Variants in PTPRT observed in about 807,000 individuals in gnomAD.
PTPRT encodes protein tyrosine phosphatase receptor type T.
Under a neutral mutation model 176.8 loss-of-function variants are expected in PTPRT, and 56 were observed. The observed-to-expected ratio is 0.32, with a 90% CI of 0.26 to 0.40. The LOEUF (loss-of-function observed/expected upper bound fraction) is 0.40. PTPRT is among the 10% of genes least tolerant of loss of function. PTPRT has a pLI of 1.00. For synonymous variants in PTPRT, 783 were observed against 739.0 expected, an observed-to-expected ratio of 1.06 and a Z score of -0.96; for missense variants, 1,540 against 1,908.2, an observed-to-expected ratio of 0.81 and a Z score of 3.60.
At position 42,756,530 on chromosome 20, in the gene PTPRT, T is replaced by A; in HGVS notation, c.791A>T (p.Lys264Met). The change falls in exon 6 of 31, where the codon AAG becomes ATG. Residue 264 changes from lysine (K) to methionine (M), a missense_variant. Transcript: ENST00000373187. Reference protein sequence around the residue: ...VADTAQRSVSKYRCVIRSDGG... With the variant: ...VADTAQRSVSMYRCVIRSDGG... ...ATCAGAGCGGATCACACAGCGGTACTTGCTGACGCTCCGCTGGGCAGTGTC... is the reference window on the plus strand; with the variant it reads ...ATCAGAGCGGATCACACAGCGGTACATGCTGACGCTCCGCTGGGCAGTGTC... The A allele has an allele frequency of 1.2e-6, 2 of 1,605,586 alleles. No homozygotes were observed. Among genetic ancestry groups the A allele is most frequent in the East Asian group, 2.2e-5 (1 of 44,712 alleles).
At chr20:42,471,304 C>T (rs1279021856) in intron 8 of PTPRT, among the ~76,000 whole-genome samples, 1 of 152,096 alleles carries the variant, frequency 6.6e-6, no homozygotes, top group African/African-American at 2.4e-5. Context: ...GGGTATTTGT[C>T]CCCTCCCAAA....
At chr20:42,400,896 A>G (rs898529618) in intron 9 of PTPRT, among the ~76,000 whole-genome samples, 2 of 152,018 alleles carry the variant, frequency 1.3e-5, no homozygotes, top group Non-Finnish European at 2.9e-5. Context: ...CAGTAGGGAT[A>G]AGGGATCGGG....
At chr20:42,755,073 C>T (rs961761320) in intron 6 of PTPRT, among the ~76,000 whole-genome samples, 2 of 152,010 alleles carry the variant, frequency 1.3e-5, no homozygotes, top group East Asian at 1.9e-4. Context: ...GAAGAGGAGA[C>T]CAGGTAATGA....
chr20:42,873,925 A>G (rs1006406994), intron 2 of PTPRT, among the ~76,000 whole-genome samples: 4 of 152,250 alleles, frequency 2.6e-5, no homozygotes, highest in Non-Finnish European at 5.9e-5. Flanking sequence ...TTTTCTTACC[A>G]AATATCTTAG....
intron 9 of PTPRT, among the ~76,000 whole-genome samples, chr20:42,379,079 C>A (rs2058675896): frequency 6.6e-6 from 1 of 152,178 alleles, no homozygotes; most frequent in Non-Finnish European, 1.5e-5. Context: ...AACATGTAAG[C>A]CTTTGCTTCT....
At chr20:42,332,917 A>G (rs773602578) in intron 11 of PTPRT, among the ~76,000 whole-genome samples, 2 of 152,244 alleles carry the variant, frequency 1.3e-5, no homozygotes, top group Non-Finnish European at 2.9e-5. Context: ...CAAATGACCA[A>G]TGCATAACGT....
chr20:42,756,838 G>A (rs2076840650), intron 5 of PTPRT, among the ~76,000 whole-genome samples: 1 of 152,058 alleles, frequency 6.6e-6, no homozygotes, highest in African/African-American at 2.4e-5. Flanking sequence ...ATCATTTGAG[G>A]CCAGGAGTTT....
chr20:42,781,138 C>T (rs1207505774), intron 3 of PTPRT, among the ~76,000 whole-genome samples: 1 of 150,240 alleles, frequency 6.7e-6, no homozygotes. Context: ...ACGTGGTAGC[C>T]TGGACCTCTG....
chr20:42,240,046 C>A (rs2056323091), intron 14 of PTPRT, among the ~76,000 whole-genome samples: 2 of 152,196 alleles, frequency 1.3e-5, no homozygotes, highest in African/African-American at 4.8e-5. Context: ...AGTTTTTCTG[C>A]TGTCAACCTT....
intron 9 of PTPRT, among the ~76,000 whole-genome samples, chr20:42,432,349 G>A (rs1410680004): frequency 6.6e-6 from 1 of 152,196 alleles, no homozygotes; most frequent in African/African-American, 2.4e-5. Flanking sequence ...CTGATCCTCA[G>A]AGACCTGAGA....
chr20:42,196,805 C>A lies in PTPRT; in HGVS notation c.2491+2435G>T, dbSNP rs117365961. ...GGCAAACCGCAAATTTGCTCTGATCCCTAAGAAAAACAGATGTTAAATATT... is the reference window on the plus strand; with the variant it reads ...GGCAAACCGCAAATTTGCTCTGATCACTAAGAAAAACAGATGTTAAATATT... On this transcript the variant is annotated intron_variant, in intron 16 of 30. Coordinates refer to ENST00000373187, the MANE Select transcript of PTPRT (RefSeq NM_007050.6). Among the ~76,000 whole-genome samples, 33 of 152,198 alleles carry A rather than the reference C, an allele frequency of 2.2e-4. No individual in the cohort carries two copies. In the East Asian group the frequency reaches 5.4e-3, roughly 25 times the overall value.
chr20:42,195,834 A>G (rs1763286863), intron 16 of PTPRT, among the ~76,000 whole-genome samples: 1 of 152,200 alleles, frequency 6.6e-6, no homozygotes, highest in South Asian at 2.1e-4. Context: ...ACATACATAC[A>G]CACCTTAATC....
chr20:42,936,389 G>T (rs1980194276), intron 1 of PTPRT, among the ~76,000 whole-genome samples: 1 of 152,242 alleles, frequency 6.6e-6, no homozygotes, highest in Non-Finnish European at 1.5e-5. Flanking sequence ...GCCAGGGGCT[G>T]CAGTGGAGTG....
chr20:42,377,985 G>A (rs896161615), intron 9 of PTPRT, among the ~76,000 whole-genome samples: 1 of 152,166 alleles, frequency 6.6e-6, no homozygotes. Flanking sequence ...ATAGTACTAG[G>A]GGTCCTACCC....
intron 17 of PTPRT, among the ~76,000 whole-genome samples, chr20:42,149,008 C>T (rs1989004839): frequency 6.6e-6 from 1 of 152,166 alleles, no homozygotes; most frequent in African/African-American, 2.4e-5. Context: ...TGAGTCCTTC[C>T]TAACATCCTC....
At chr20:42,817,337 G>A (rs891985057) in intron 2 of PTPRT, among the ~76,000 whole-genome samples, 1 of 144,412 alleles carries the variant, frequency 6.9e-6, no homozygotes, top group Non-Finnish European at 1.5e-5. Context: ...ACCCTTCTGA[G>A]TTATTTGACA....
chr20:42,348,862 T>C (rs941381681), intron 11 of PTPRT, among the ~76,000 whole-genome samples: 8 of 152,200 alleles, frequency 5.3e-5, no homozygotes, highest in African/African-American at 1.4e-4. Flanking sequence ...TTCTCATTGC[T>C]ACTGGGAAAC....
chr20:42,796,295 T>C (rs1206832294), intron 2 of PTPRT, among the ~76,000 whole-genome samples: 1 of 152,242 alleles, frequency 6.6e-6, no homozygotes, highest in Non-Finnish European at 1.5e-5. Context: ...TAGACATACA[T>C]GACTGGTGGA....
intron 18 of PTPRT, among the ~76,000 whole-genome samples, chr20:42,132,421 C>A (rs1035565521): frequency 6.6e-6 from 1 of 152,068 alleles, no homozygotes; most frequent in African/African-American, 2.4e-5. Flanking sequence ...TTGCCAAACA[C>A]GTATCTCAGA....
Sources: gnomAD v4.1 joint callset for allele counts (sites outside exome capture counted in the v4.1 genomes callset) on GRCh38, gnomAD v4.1.1 for gene constraint, MANE v1.5 for transcripts, NCBI Gene and HGNC (gene_info 2026-07-23, HGNC 2026-07-21) for gene names.